Variants in SYT14 observed in about 807,000 individuals in gnomAD.
The protein encoded by SYT14 is synaptotagmin-14.
In SYT14, 32 loss-of-function variants were observed where a neutral mutation model predicts 74.2. The ratio of observed to expected loss-of-function variants is 0.43; its 90% CI spans 0.33 to 0.58. The LOEUF (loss-of-function observed/expected upper bound fraction) is 0.58. Ranked by LOEUF, SYT14 falls within the 20% of genes least tolerant of loss-of-function variation. The probability of loss-of-function intolerance (pLI) is 0.05; values close to 1 mark genes in which losing one functional copy is unlikely to be tolerated. For missense variants in SYT14, 791 were observed against 981.8 expected (o/e 0.81, Z 2.60); for synonymous variants, 298 against 337.7 (o/e 0.88, Z 1.29).
intron 2 of SYT14, among the ~76,000 whole-genome samples, chr1:209,980,086 G>A (rs1419772342): frequency 1.3e-5 from 2 of 152,128 alleles, no homozygotes; most frequent in African/African-American, 4.8e-5. Context: ...CAGTGTAAAA[G>A]TGCTCCTTTT....
At chr1:210,106,736 G>T (rs1293747482) in intron 7 of SYT14, among the ~76,000 whole-genome samples, 1 of 152,132 alleles carries the variant, frequency 6.6e-6, no homozygotes, top group Non-Finnish European at 1.5e-5. Flanking sequence ...ACAATCCAAG[G>T]TGAGACTTGG....
intron 1 of SYT14, among the ~76,000 whole-genome samples, chr1:209,939,921 T>C (rs937187655): frequency 2.6e-5 from 4 of 152,262 alleles, no homozygotes; most frequent in African/African-American, 9.6e-5. Flanking sequence ...TGATTCATTT[T>C]CCATGTCACC....
At chr1:209,950,261 T>A (rs1463613527) in intron 1 of SYT14, among the ~76,000 whole-genome samples, 1 of 152,188 alleles carries the variant, frequency 6.6e-6, no homozygotes. Flanking sequence ...AGAATATTTC[T>A]AAGTTACCTA....
chr1:210,070,512 G>A (rs916408045), intron 5 of SYT14, among the ~76,000 whole-genome samples: 1 of 152,050 alleles, frequency 6.6e-6, no homozygotes, highest in African/African-American at 2.4e-5. Context: ...TCAAACTCAG[G>A]TTTCTGCTCT....
chr1:209,952,770 C>G lies in SYT14; in HGVS notation c.-486+14C>G. ...GTATTAGAAAAGGTAAGTCATTGCT[C>G]TGCATGGCTATTTACATACTAAATG... On this transcript the variant is annotated intron_variant, in intron 2 of 9. Transcript: ENST00000637265. 6.2e-7 allele frequency: 1 copy of G among 1,602,158 alleles called. No individual in the cohort carries two copies. The highest frequency in any genetic ancestry group is 1.1e-5 in the South Asian group (1 of 90,844).
intron 5 of SYT14, 150 bp downstream of exon 4, chr1:210,021,404 T>G: frequency 1.1e-6 from 1 of 905,384 alleles, no homozygotes. Flanking sequence ...TTCAAATTTG[T>G]ATCTTTGGGC....
intron 5 of SYT14, among the ~76,000 whole-genome samples, chr1:210,076,617 A>G (rs1363931486): frequency 6.6e-6 from 1 of 152,206 alleles, no homozygotes. Context: ...TAATTGGCTC[A>G]TGGTTCTGTA....
At position 210,121,561 on chromosome 1, in the gene SYT14, A is replaced by G. The variant is rs371013425; in HGVS notation, c.2034+21100A>G. 1.1e-3 allele frequency among the ~76,000 whole-genome samples: 166 copies of G among 152,228 alleles called. 1 individual carries two copies. The highest frequency in any genetic ancestry group is 3.2e-3 in the African/African-American group (135 of 41,542). ...TGTAATCCCAGCACTTTGGGAGGCCAAGGTGGGCGGATCACAAGGTCAGGA... is the reference window on the plus strand; with the variant it reads ...TGTAATCCCAGCACTTTGGGAGGCCGAGGTGGGCGGATCACAAGGTCAGGA... On this transcript the variant is annotated intron_variant, in intron 7 of 9. Coordinates refer to ENST00000637265, the Ensembl canonical transcript of SYT14.
At chr1:209,962,270 T>TTA (rs35762549) in intron 2 of SYT14, among the ~76,000 whole-genome samples, 152 of 151,038 alleles carry the variant, frequency 1.0e-3, no homozygotes, top group Admixed American at 2.5e-3. Flanking sequence ...TATCTTTTTT[T>TTA]TATATATATA....
At chr1:210,010,310 TCATC>T (rs977898095) in intron 2 of SYT14, among the ~76,000 whole-genome samples, 2 of 152,134 alleles carry the variant, frequency 1.3e-5, no homozygotes, top group African/African-American at 4.8e-5. Flanking sequence ...ATTCATTCAT[TCATC>T]CATCCATCCA....
At chr1:210,022,957 G>T (rs923014466) in intron 5 of SYT14, among the ~76,000 whole-genome samples, 1 of 152,082 alleles carries the variant, frequency 6.6e-6, no homozygotes, top group Non-Finnish European at 1.5e-5. Flanking sequence ...GAGGAGAGAG[G>T]TACACAATCT....
intron 2 of SYT14, among the ~76,000 whole-genome samples, chr1:209,985,667 T>C (rs1191405508): frequency 1.3e-5 from 2 of 152,266 alleles, no homozygotes; most frequent in Non-Finnish European, 2.9e-5. Context: ...TGCACTGCTC[T>C]AGTAGAGGTT....
rs1017610837 is a variant in SYT14, at chr1:209,951,537, G to A, written c.-533-1172G>A. 4.6e-5 allele frequency among the ~76,000 whole-genome samples: 7 copies of A among 152,102 alleles called. No individual in the cohort carries two copies. The South Asian group carries it at 8.3e-4, about 18-fold the overall frequency. ...CATTTTCTTTATCCATTTCCACCAT[G>A]TGCCATTATCTTTTAAAGTTAAACA... On this transcript the variant is annotated intron_variant, in intron 1 of 9. Coordinates refer to ENST00000637265, the Ensembl canonical transcript of SYT14.
At chr1:210,024,226 C>G (rs1352400167) in intron 5 of SYT14, among the ~76,000 whole-genome samples, 1 of 152,102 alleles carries the variant, frequency 6.6e-6, no homozygotes, top group African/African-American at 2.4e-5. Flanking sequence ...GAACCATAAT[C>G]AGGGTTGTGC....
At chr1:210,115,285 G>A (rs1312920725) in intron 7 of SYT14, among the ~76,000 whole-genome samples, 4 of 151,124 alleles carry the variant, frequency 2.6e-5, no homozygotes, top group Non-Finnish European at 5.9e-5. Flanking sequence ...AGGAATGGAG[G>A]GTGGAAGGTT....
exon 10 of SYT14, chr1:210,169,230 T>C (rs1398010124): frequency 1.4e-5 from 2 of 138,332 alleles, no homozygotes; most frequent in South Asian, 5.0e-4. Flanking sequence ...TGTTTTTTTT[T>C]TTTTTTTTTT....
In SYT14 at chr1:210,106,132, A is replaced by G. The variant is rs192493227; in HGVS notation, c.2034+5671A>G. On this transcript the variant is annotated intron_variant, in intron 7 of 9. Coordinates refer to ENST00000637265, the Ensembl canonical transcript of SYT14. ...AGGCACCATATGTGTTGCAGATTTG[A>G]TTACCTGGGAAGCAGACTCTGAGAG... is the stretch of plus-strand genomic sequence containing the variant. Among the ~76,000 whole-genome samples, 23 of 152,314 alleles carry G rather than the reference A, an allele frequency of 1.5e-4. No individual in the cohort carries two copies. In the East Asian group the frequency reaches 3.9e-3, roughly 26 times the overall value.
At chr1:210,090,055 A>T (rs115912197) in intron 5 of SYT14, among the ~76,000 whole-genome samples, 3,280 of 152,300 alleles carry the variant, frequency 0.022, 111 homozygotes, top group East Asian at 0.15. Flanking sequence ...TTACAGCGTT[A>T]CACATGAAGA....
intron 5 of SYT14, among the ~76,000 whole-genome samples, chr1:210,036,333 T>G (rs545339600): frequency 1.6e-4 from 24 of 152,052 alleles, no homozygotes; most frequent in Non-Finnish European, 3.1e-4. Context: ...GGAGGAGTCT[T>G]TAGAGAGATG....
Sources: gnomAD v4.1 joint callset for allele counts (sites outside exome capture counted in the v4.1 genomes callset) on GRCh38, gnomAD v4.1.1 for gene constraint, MANE v1.5 for transcripts, NCBI Gene and HGNC (gene_info 2026-07-23, HGNC 2026-07-21) for gene names.